PCDHGB6: variants seen among roughly 807,000 people sequenced by gnomAD.
PCDHGB6 encodes the protein protocadherin gamma-B6.
Under a neutral mutation model 59.1 loss-of-function variants are expected in PCDHGB6, and 51 were observed. The ratio of observed to expected loss-of-function variants is 0.86; its 90% CI spans 0.69 to 1.09. PCDHGB6 has a LOEUF of 1.09. PCDHGB6 is among the 50% of genes least tolerant of loss of function. The probability of loss-of-function intolerance (pLI) is 0.00; values close to 1 mark genes in which losing one functional copy is unlikely to be tolerated. For synonymous variants in PCDHGB6, 466 were observed against 495.1 expected (o/e 0.94, Z 0.78); for missense variants, 1,148 against 1,205.1 (o/e 0.95, Z 0.70).
intron 1 of PCDHGB6, chr5:141,415,740 G>GTTTTTTTT (rs57426385): frequency 1.3e-4 from 79 of 625,006 alleles, no homozygotes; most frequent in African/African-American, 1.8e-4. Flanking sequence ...GTTTATTAAG[G>GTTTTTTTT]TTTTTTTTTT....
chr5:141,478,637 G>A (rs1227108157), intron 1 of PCDHGB6: 2 of 1,552,684 alleles, frequency 1.3e-6, no homozygotes, highest in Non-Finnish European at 1.7e-6. Context: ...TTTTAGTGAT[G>A]AAGATGTTTT....
At chr5:141,413,132 A>G in intron 1 of PCDHGB6, 1 of 1,542,144 alleles carries the variant, frequency 6.5e-7, no homozygotes, top group Non-Finnish European at 8.7e-7. Context: ...GAAACACACA[A>G]CGTGTCCAGT....
At chr5:141,419,424 A>G (rs1197238939) in intron 1 of PCDHGB6, 1 of 1,613,230 alleles carries the variant, frequency 6.2e-7, no homozygotes, top group Admixed American at 1.7e-5. Flanking sequence ...GCCTTCGACC[A>G]CGAGCAGCTG....
chr5:141,483,606 C>T (rs1460635551), intron 1 of PCDHGB6, among the ~76,000 whole-genome samples: 1 of 151,984 alleles, frequency 6.6e-6, no homozygotes, highest in Non-Finnish European at 1.5e-5. Flanking sequence ...CTGGTTTACA[C>T]CTCCATCATT....
In PCDHGB6 at chr5:141,408,922, G is replaced by C; in HGVS notation, c.720G>C (p.Pro240=). The C allele has an allele frequency of 6.2e-7, 1 of 1,613,222 alleles. No individual in the cohort carries two copies. The part of the protein sequence containing the change: ...ISVKDTNDNP[P]VFSRDEYRIS... ...TCAAGGATACCAATGATAACCCCCC[G>C]GTTTTCAGCAGAGACGAATATAGAA... Residue 240 remains proline (P), a synonymous_variant, in exon 1 of 4, where the codon CCG becomes CCC. Coordinates refer to ENST00000520790, the MANE Select transcript of PCDHGB6 (RefSeq NM_018926.3).
In PCDHGB6 at chr5:141,409,217, G is replaced by T. The variant is rs1394491727; in HGVS notation, c.1015G>T (p.Asp339Tyr). 3 of 1,613,852 alleles carry T rather than the reference G, an allele frequency of 1.9e-6. No homozygotes were observed. Among genetic ancestry groups the T allele is most frequent in the Non-Finnish European group, 2.5e-6 (3 of 1,179,892 alleles). The change falls in exon 1 of 4, where the codon GAT (aspartate) becomes TAT (tyrosine). Residue 339 changes from aspartate to tyrosine, a missense_variant. Physicochemically the swap from Asp to Tyr is radical, Grantham distance 160. Coordinates refer to ENST00000520790, the MANE Select transcript of PCDHGB6 (RefSeq NM_018926.3). ...GTGTAAAGTAATCATAGAAATCCTT[G>T]ATGAAAACGACAACAGCCCAGAAAT... ...TQCKVIIEIL[D>Y]ENDNSPEIII...
chr5:141,450,823 A>ATT (rs1453980247), intron 1 of PCDHGB6, among the ~76,000 whole-genome samples: 2 of 133,076 alleles, frequency 1.5e-5, no homozygotes, highest in East Asian at 2.2e-4. Flanking sequence ...TAATATTATT[A>ATT]TTATTATTTT....
chr5:141,417,939 C>T, intron 1 of PCDHGB6: 1 of 1,612,862 alleles, frequency 6.2e-7, no homozygotes, highest in Non-Finnish European at 8.5e-7. Context: ...TTGTTCTACC[C>T]CACGCTGTGT....
rs1457243337 is a variant in PCDHGB6 at position 141,493,567 on chromosome 5, C to T, written c.2419-1240C>T. Reference sequence around the variant, plus strand: ...TTTGGAGATTGAGTTCCCCCAGCTCCGTTTCCTCCTATCACAATCACTGCA... The same window carrying T: ...TTTGGAGATTGAGTTCCCCCAGCTCTGTTTCCTCCTATCACAATCACTGCA... On this transcript the variant is annotated intron_variant, in intron 1 of 3. Transcript: ENST00000520790. This position sits in a 1 kb window ranked among gnomAD's most constrained non-coding sequence, Gnocchi z 4.3. Among the ~76,000 whole-genome samples, 3 of 152,266 alleles carry T rather than the reference C, an allele frequency of 2.0e-5. No individual in the cohort carries two copies. The highest frequency in any genetic ancestry group is 4.4e-5 in the Non-Finnish European group (3 of 68,018).
intron 1 of PCDHGB6, among the ~76,000 whole-genome samples, chr5:141,450,968 G>A (rs756891993): frequency 5.5e-4 from 84 of 151,848 alleles, no homozygotes; most frequent in Non-Finnish European, 9.0e-4. Context: ...GGGATTACAG[G>A]CATGTGCCAC....
At position 141,485,074 on chromosome 5, in the gene PCDHGB6, G is replaced by T. The variant is rs2099606548; in HGVS notation, c.2419-9733G>T. On this transcript the variant is annotated intron_variant, in intron 1 of 3. Transcript: ENST00000520790. The surrounding 1 kb of genome is among the most constrained non-coding windows in gnomAD (Gnocchi z 5.7). ...GGCCGAACCGCGCCAGAGCTGGCGCGGGGAAAGGGAGATAGGTGTCTCCAG... is the reference window on the plus strand; with the variant it reads ...GGCCGAACCGCGCCAGAGCTGGCGCTGGGAAAGGGAGATAGGTGTCTCCAG... The T allele has an allele frequency of 2.2e-6, 2 of 926,946 alleles. No homozygotes were observed. The highest frequency in any genetic ancestry group is 3.4e-6 in the Non-Finnish European group (2 of 596,630). 57.4% of individuals were successfully genotyped at this position (926,946 alleles called of 1,614,324 possible). A position where few individuals can be genotyped will look rare whatever the true frequency, so the allele number is the denominator to read the frequency against.
rs1161188105 is a variant in PCDHGB6, at chr5:141,427,974, G to A, written c.2418+17354G>A. 9 of 1,594,458 alleles carry A rather than the reference G, an allele frequency of 5.6e-6. No individual in the cohort carries two copies. In the Admixed American group the frequency reaches 1.5e-4, roughly 27 times the overall value. ...CAATGTGCCGCGGGTGCTGTACCCC[G>A]CGCTGGGGCCCGATGGCTCCGCACT... On this transcript the variant is annotated intron_variant, in intron 1 of 3. Transcript: ENST00000520790.
At position 141,476,668 on chromosome 5, in the gene PCDHGB6, G is replaced by A; in HGVS notation, c.2419-18139G>A. The A allele has an allele frequency of 6.2e-7, 1 of 1,614,262 alleles. No individual in the cohort carries two copies. Among genetic ancestry groups the A allele is most frequent in the Non-Finnish European group, 8.5e-7 (1 of 1,180,054 alleles). On this transcript the variant is annotated intron_variant, in intron 1 of 3. Transcript: ENST00000520790. This position sits in a 1 kb window ranked among gnomAD's most constrained non-coding sequence, Gnocchi z 7.6. ...GAAATGAATACTTTGCGCTTCGCGT[G>A]CAGACGCGGGAGGACAGCACCAAGT...
intron 1 of PCDHGB6, among the ~76,000 whole-genome samples, chr5:141,446,174 G>A (rs1242027176): frequency 1.3e-5 from 2 of 152,062 alleles, no homozygotes; most frequent in Non-Finnish European, 2.9e-5. Context: ...GAGGGCAGGG[G>A]GTGTTTTGTT....
In PCDHGB6 at chr5:141,477,176, G is replaced by C. The variant is rs766547728; in HGVS notation, c.2419-17631G>C. On this transcript the variant is annotated intron_variant, in intron 1 of 3. Coordinates refer to ENST00000520790, the MANE Select transcript of PCDHGB6 (RefSeq NM_018926.3). This position sits in a 1 kb window ranked among gnomAD's most constrained non-coding sequence, Gnocchi z 4.9. ...GAATGACAACGCCCCGGAGATCACAGTCACCTCCGTGTACAGCCCAGTACC... is the reference window on the plus strand; with the variant it reads ...GAATGACAACGCCCCGGAGATCACACTCACCTCCGTGTACAGCCCAGTACC... The C allele has an allele frequency of 1.2e-6, 2 of 1,614,206 alleles. No individual in the cohort carries two copies. The highest frequency in any genetic ancestry group is 3.3e-5 in the Admixed American group (2 of 60,024).
In PCDHGB6 at chr5:141,431,514, C is replaced by T. The variant is rs760416874; in HGVS notation, c.2418+20894C>T. ...CAGCCCGAGTACCGCGCGAGCGTTC[C>T]GGAGAATCTGGCCTTGGGCACGCAG... On this transcript the variant is annotated intron_variant, in intron 1 of 3. Transcript: ENST00000520790. This position sits in a 1 kb window ranked among gnomAD's most constrained non-coding sequence, Gnocchi z 4.8. 3.1e-6 allele frequency: 5 copies of T among 1,614,012 alleles called. No homozygotes were observed. The highest frequency in any genetic ancestry group is 1.1e-5 in the South Asian group (1 of 91,082).
intron 1 of PCDHGB6, chr5:141,422,879 T>A: frequency 6.2e-7 from 1 of 1,614,240 alleles, no homozygotes; most frequent in Non-Finnish European, 8.5e-7. Context: ...TCGCTGAGCC[T>A]GTTCGTGCTG....
intron 1 of PCDHGB6, among the ~76,000 whole-genome samples, chr5:141,472,400 G>A (rs2099279115): frequency 6.6e-6 from 1 of 152,024 alleles, no homozygotes; most frequent in East Asian, 1.9e-4. Flanking sequence ...AATTAGCCAG[G>A]CGTGGTGGCA....
intron 1 of PCDHGB6, chr5:141,421,613 A>T (rs2096587756): frequency 6.2e-7 from 1 of 1,613,720 alleles, no homozygotes; most frequent in Admixed American, 1.7e-5. Context: ...GATATTAATG[A>T]TAACGCCCCC....
Sources: allele counts gnomAD v4.1 joint callset (sites outside exome capture counted in the v4.1 genomes callset), GRCh38; gene constraint gnomAD v4.1.1; non-coding constraint Gnocchi (gnomAD v3.1); transcripts MANE v1.5; gene names NCBI Gene and HGNC (gene_info 2026-07-23, HGNC 2026-07-21).